MBNL2: variants seen among roughly 807,000 people sequenced by gnomAD.
MBNL2 encodes muscleblind like splicing regulator 2.
Under a neutral mutation model 41.9 loss-of-function variants are expected in MBNL2, and 17 were observed. That is an observed-to-expected ratio of 0.41 (90% CI 0.28 to 0.61). MBNL2 has a LOEUF of 0.61. MBNL2 is among the 20% of genes least tolerant of loss of function. The pLI, the probability that MBNL2 is intolerant of heterozygous loss-of-function variation, is 0.35. For synonymous variants in MBNL2, 195 were observed against 182.9 expected, an observed-to-expected ratio of 1.07 and a Z score of -0.53; for missense variants, 336 against 505.6, an observed-to-expected ratio of 0.66 and a Z score of 3.22.
At chr13:97,345,601 CTTTT>C (rs367817140) in intron 4 of MBNL2, among the ~76,000 whole-genome samples, 1 of 151,810 alleles carries the variant, frequency 6.6e-6, no homozygotes, top group Admixed American at 6.6e-5. Flanking sequence ...CTCCTTTTGT[CTTTT>C]TTTTCTTTTC....
chr13:97,236,170 C>A (rs769297574), intron 1 of MBNL2, among the ~76,000 whole-genome samples: 47 of 152,160 alleles, frequency 3.1e-4, no homozygotes, highest in Admixed American at 7.2e-4. Context: ...CTTCCCCTCA[C>A]ATTTTCAGGA....
chr13:97,375,015 G>A lies in MBNL2; in HGVS notation c.1048+9844G>A, dbSNP rs553141583. 5.3e-5 allele frequency among the ~76,000 whole-genome samples: 8 copies of A among 152,278 alleles called. No homozygotes were observed. The East Asian group carries it at 1.2e-3, about 22-fold the overall frequency. On this transcript the variant is annotated intron_variant, in intron 8 of 8. Coordinates refer to ENST00000679496, the MANE Select transcript of MBNL2 (RefSeq NM_001382683.1). ...TACTCATGGGCACTTATCTACCCAA[G>A]CTCTGCCCCCGATGCCTACCTTCTC...
In MBNL2 at chr13:97,330,853, T is replaced by A. The variant is rs144117058; in HGVS notation, c.175-3423T>A. On this transcript the variant is annotated intron_variant, in intron 2 of 8. Coordinates refer to ENST00000679496, the MANE Select transcript of MBNL2 (RefSeq NM_001382683.1). ...TATAGGATCCATTACTAAAATTCTG[T>A]TACGTAGAGTCTCCGAGGGTTTGAA... 7.3e-3 allele frequency among the ~76,000 whole-genome samples: 1,119 copies of A among 152,344 alleles called. 13 individuals are homozygous for A. Among genetic ancestry groups the A allele is most frequent in the African/African-American group, 0.026 (1,061 of 41,574 alleles).
At chr13:97,276,447 A>G in intron 2 of MBNL2, 38 bp downstream of exon 2, 2 of 1,565,138 alleles carry the variant, frequency 1.3e-6, no homozygotes, top group South Asian at 1.1e-5. Flanking sequence ...TCAATACCAC[A>G]TTGGAATTGC....
the MBNL2 span, among the ~76,000 whole-genome samples, chr13:97,213,876 A>G: frequency 6.6e-6 from 1 of 151,246 alleles, no homozygotes; most frequent in African/African-American, 2.5e-5. Context: ...TTTAAAGTCA[A>G]GATTGTCATC....
intron 5 of MBNL2, among the ~76,000 whole-genome samples, chr13:97,352,238 A>G (rs2153098339): frequency 6.6e-6 from 1 of 152,272 alleles, no homozygotes. Context: ...CTTTGCAGTC[A>G]CAACATGGAT....
chr13:97,349,976 G>A (rs962518893), intron 5 of MBNL2, among the ~76,000 whole-genome samples: 3 of 152,162 alleles, frequency 2.0e-5, no homozygotes, highest in Admixed American at 2.0e-4. Context: ...TGTCCCTGTG[G>A]TCAGTGACAG....
chr13:97,290,258 G>A (rs569921583), intron 2 of MBNL2, among the ~76,000 whole-genome samples: 2 of 152,266 alleles, frequency 1.3e-5, no homozygotes, highest in East Asian at 1.9e-4. Flanking sequence ...ATGAAATTTG[G>A]AATGCCCCAG....
chr13:97,333,421 T>C (rs1158403395), intron 2 of MBNL2, among the ~76,000 whole-genome samples: 1 of 152,210 alleles, frequency 6.6e-6, no homozygotes, highest in Non-Finnish European at 1.5e-5. Context: ...CAAATATTAC[T>C]TTAGCCATAA....
At chr13:97,178,494 T>C in the MBNL2 span, among the ~76,000 whole-genome samples, 1 of 152,038 alleles carries the variant, frequency 6.6e-6, no homozygotes, top group Non-Finnish European at 1.5e-5. Flanking sequence ...TTTGGGAAAA[T>C]AGAGGAGAAA....
At chr13:97,348,362 C>T (rs1368398482) in intron 5 of MBNL2, among the ~76,000 whole-genome samples, 1 of 152,098 alleles carries the variant, frequency 6.6e-6, no homozygotes, top group Non-Finnish European at 1.5e-5. Context: ...TACCTGGCGA[C>T]AGTGGCAGTT....
intron 8 of MBNL2, among the ~76,000 whole-genome samples, chr13:97,367,223 T>C (rs763643290): frequency 1.3e-5 from 2 of 152,212 alleles, no homozygotes; most frequent in Non-Finnish European, 2.9e-5. Flanking sequence ...ATGGATGTAC[T>C]ATTTCGTAGT....
chr13:97,184,679 T>C, the MBNL2 span, among the ~76,000 whole-genome samples: 58 of 152,322 alleles, frequency 3.8e-4, 1 homozygote, highest in South Asian at 0.012. Context: ...AACGGGGTTT[T>C]GCCATCTTGG....
the MBNL2 span, among the ~76,000 whole-genome samples, chr13:97,154,274 A>T: frequency 2.0e-5 from 3 of 152,104 alleles, no homozygotes; most frequent in African/African-American, 7.2e-5. Flanking sequence ...TAGCTTTCAC[A>T]GAGGCTTTTA....
intron 1 of MBNL2, among the ~76,000 whole-genome samples, chr13:97,255,949 T>C (rs1028316216): frequency 7.9e-5 from 12 of 152,212 alleles, no homozygotes; most frequent in East Asian, 7.7e-4. Flanking sequence ...TTTGAACTTA[T>C]TCATGTTTAG....
At chr13:97,224,957 G>A (rs1428860013) in intron 1 of MBNL2, among the ~76,000 whole-genome samples, 1 of 152,224 alleles carries the variant, frequency 6.6e-6, no homozygotes, top group Admixed American at 6.5e-5. Context: ...AACATTTAAT[G>A]CTGTTTTTCC....
chr13:97,195,640 T>A, the MBNL2 span, among the ~76,000 whole-genome samples: 2 of 152,208 alleles, frequency 1.3e-5, no homozygotes, highest in South Asian at 4.1e-4. Flanking sequence ...ATTAACATGA[T>A]CTAAGCCATG....
the MBNL2 span, among the ~76,000 whole-genome samples, chr13:97,163,158 G>T: frequency 6.6e-6 from 1 of 152,226 alleles, no homozygotes; most frequent in Admixed American, 6.5e-5. Flanking sequence ...CAGCATCAGG[G>T]CGTAGGGTCC....
upstream of MBNL2, among the ~76,000 whole-genome samples, chr13:97,221,863 G>A (rs548903641): frequency 6.6e-6 from 1 of 152,342 alleles, no homozygotes; most frequent in Non-Finnish European, 1.5e-5. Flanking sequence ...ATGGAAATAT[G>A]TAAATGTTTT....
Sources: gnomAD v4.1 joint callset for allele counts (sites outside exome capture counted in the v4.1 genomes callset) on GRCh38, gnomAD v4.1.1 for gene constraint, MANE v1.5 for transcripts, NCBI Gene and HGNC (gene_info 2026-07-23, HGNC 2026-07-21) for gene names.